TRPC1: variants seen among roughly 807,000 people sequenced by gnomAD.
TRPC1 encodes transient receptor potential cation channel subfamily C member 1.
A neutral mutation model predicts 88.2 loss-of-function variants in TRPC1; 42 were observed. The observed-to-expected ratio is 0.48, with a 90% CI of 0.37 to 0.62. The LOEUF is 0.62. Ranked by LOEUF, TRPC1 falls within the 20% of genes least tolerant of loss-of-function variation. TRPC1 has a pLI of 0.00. For synonymous variants in TRPC1, 288 were observed against 331.8 expected (o/e 0.87, Z 1.43); for missense variants, 699 against 957.3 (o/e 0.73, Z 3.56).
chr3:142,791,880 G>A (rs982120679), intron 8 of TRPC1, among the ~76,000 whole-genome samples: 1 of 151,860 alleles, frequency 6.6e-6, no homozygotes, highest in Non-Finnish European at 1.5e-5. Flanking sequence ...ACTTTCATCA[G>A]AATTTAAGCT....
chr3:142,748,363 T>C lies in TRPC1; in HGVS notation c.535T>C (p.Leu179=), dbSNP rs758000670. The C allele has an allele frequency of 3.1e-6, 5 of 1,614,150 alleles. No homozygotes were observed. The highest frequency in any genetic ancestry group is 2.2e-5 in the South Asian group (2 of 91,086). Residue 179 remains leucine (L), a synonymous_variant, in exon 4 of 13, where the codon TTA becomes CTA. Coordinates refer to ENST00000476941, the MANE Select transcript of TRPC1 (RefSeq NM_001251845.2). ...CAACTATGAAATTCTTACAATGCTC[T>C]TAAAACAGGATGTATCTCTACCCAA... ...RNNYEILTML[L]KQDVSLPKPH... is the part of the protein sequence containing the mutation.
chr3:142,753,393 G>A (rs1404272044), intron 4 of TRPC1, among the ~76,000 whole-genome samples: 2 of 152,192 alleles, frequency 1.3e-5, no homozygotes, highest in African/African-American at 4.8e-5. Context: ...ACATTTGTAC[G>A]AAATGGCAAG....
intron 2 of TRPC1, among the ~76,000 whole-genome samples, chr3:142,742,524 A>G (rs1934390747): frequency 6.6e-6 from 1 of 152,188 alleles, no homozygotes; most frequent in African/African-American, 2.4e-5. Context: ...ACATCCAGAT[A>G]AAGTGAATAT....
Position 142,724,800 on chromosome 3 carries a change from C to T in TRPC1, c.172+69C>T, listed in dbSNP as rs1049295220. On this transcript the variant is annotated intron_variant, in intron 1 of 12. Transcript: ENST00000476941. The surrounding 1 kb of genome is among the most constrained non-coding windows in gnomAD (Gnocchi z 5.6). ...AGACCTTTAGTCCTCTCCCCCGCCT[C>T]AACTTATATCGGGGCATTCCCTCTG... is the stretch of plus-strand genomic sequence containing the variant. 2.8e-6 allele frequency: 4 copies of T among 1,427,646 alleles called. No homozygotes were observed. Among genetic ancestry groups the T allele is most frequent in the Non-Finnish European group, 3.7e-6 (4 of 1,080,518 alleles). 88.4% of individuals were successfully genotyped at this position (1,427,646 alleles called of 1,614,324 possible).
At chr3:142,775,902 C>T (rs530060825) in intron 4 of TRPC1, among the ~76,000 whole-genome samples, 64 of 152,250 alleles carry the variant, frequency 4.2e-4, no homozygotes, top group African/African-American at 1.4e-3. Flanking sequence ...AGAAAATGAG[C>T]TCTCCTTGTT....
intron 10 of TRPC1, among the ~76,000 whole-genome samples, chr3:142,803,545 T>C (rs533922718): frequency 6.6e-6 from 1 of 152,198 alleles, no homozygotes; most frequent in East Asian, 1.9e-4. Flanking sequence ...CAATTAGATA[T>C]TAGCAAATCA....
intron 4 of TRPC1, among the ~76,000 whole-genome samples, chr3:142,765,945 A>G (rs1389517048): frequency 2.0e-5 from 3 of 152,170 alleles, no homozygotes; most frequent in Admixed American, 1.3e-4. Context: ...GCATATGAAA[A>G]AAAGGCTCAA....
chr3:142,803,906 T>C (rs1936696755), intron 10 of TRPC1, 71 bp from the exon 11 acceptor site: 1 of 1,425,578 alleles, frequency 7.0e-7, no homozygotes. Context: ...ATAATTTTGA[T>C]ATAAACAAAT....
Position 142,724,472 on chromosome 3 carries a change from C to T in TRPC1, c.-88C>T. On this transcript the variant is annotated 5_prime_UTR_variant, in exon 1 of 13. Transcript: ENST00000476941. The surrounding 1 kb of genome is among the most constrained non-coding windows in gnomAD (Gnocchi z 5.6). ...TGGGAACGACTCATCCTTTTTCCAGCCCTGGGGCGTGGCTGGGGTCGGGGT... is the reference window on the plus strand; with the variant it reads ...TGGGAACGACTCATCCTTTTTCCAGTCCTGGGGCGTGGCTGGGGTCGGGGT... 7.4e-7 allele frequency: 1 copy of T among 1,342,348 alleles called. No individual in the cohort carries two copies. Among genetic ancestry groups the T allele is most frequent in the South Asian group, 1.5e-5 (1 of 68,436 alleles). 83.2% of individuals were successfully genotyped at this position (1,342,348 alleles called of 1,614,324 possible).
At chr3:142,805,517 A>G (rs1032218590) in intron 12 of TRPC1, among the ~76,000 whole-genome samples, 14 of 152,212 alleles carry the variant, frequency 9.2e-5, no homozygotes, top group African/African-American at 1.2e-4. Context: ...AATTTTCACA[A>G]AACTTTTATT....
chr3:142,798,547 G>T (rs1241838780), intron 9 of TRPC1, among the ~76,000 whole-genome samples: 1 of 152,206 alleles, frequency 6.6e-6, no homozygotes, highest in Non-Finnish European at 1.5e-5. Flanking sequence ...CCTGGCAAAG[G>T]ACAAAGGGAA....
chr3:142,795,954 T>A (rs1390040648), intron 9 of TRPC1, among the ~76,000 whole-genome samples: 1 of 152,130 alleles, frequency 6.6e-6, no homozygotes, highest in Non-Finnish European at 1.5e-5. Flanking sequence ...AAAAACGACA[T>A]GAAGATAGAA....
At chr3:142,734,787 T>TTA (rs139195090) in intron 1 of TRPC1, among the ~76,000 whole-genome samples, 3 of 145,436 alleles carry the variant, frequency 2.1e-5, no homozygotes, top group Non-Finnish European at 4.6e-5. Context: ...AAAATAAAAA[T>TTA]AAAAAAAAAA....
intron 1 of TRPC1, among the ~76,000 whole-genome samples, chr3:142,727,363 A>C (rs953239): frequency 0.45 from 68,559 of 152,006 alleles, 16,274 homozygotes; most frequent in African/African-American, 0.6. Context: ...CCTAAAGCAA[A>C]AATTGTGGAG....
At chr3:142,731,426 C>T (rs1393777873) in intron 1 of TRPC1, among the ~76,000 whole-genome samples, 1 of 143,328 alleles carries the variant, frequency 7.0e-6, no homozygotes, top group South Asian at 2.2e-4. Flanking sequence ...GCTCTGTCGC[C>T]CAGGCTAGAG....
chr3:142,727,968 T>C (rs1294330333), intron 1 of TRPC1, among the ~76,000 whole-genome samples: 1 of 151,590 alleles, frequency 6.6e-6, no homozygotes, highest in Non-Finnish European at 1.5e-5. Flanking sequence ...GTGTAGTTCA[T>C]GTTAATTTTC....
intron 1 of TRPC1, among the ~76,000 whole-genome samples, chr3:142,727,696 C>G (rs1004061133): frequency 6.6e-6 from 1 of 152,092 alleles, no homozygotes; most frequent in Non-Finnish European, 1.5e-5. Flanking sequence ...AGATAAAATT[C>G]TCAGAAAGTA....
At chr3:142,777,476 A>G (rs1935817980) in intron 4 of TRPC1, among the ~76,000 whole-genome samples, 156 bp from the exon 5 acceptor site, 1 of 152,128 alleles carries the variant, frequency 6.6e-6, no homozygotes, top group Non-Finnish European at 1.5e-5. Context: ...ATTTGTTTTA[A>G]GTCTTTTTAT....
rs1445926779 is a variant in TRPC1, at chr3:142,807,500, TG to T, written c.*1267del. ...ATTCTCTTCTTAACCGAATGTCAGA[TG>T]GTCTTACGCCACAGGGTGCAGGTAA... On this transcript the variant is annotated 3_prime_UTR_variant, in exon 13 of 13. Coordinates refer to ENST00000476941, the MANE Select transcript of TRPC1 (RefSeq NM_001251845.2). 1.3e-5 allele frequency: 2 copies of T among 152,246 alleles called. No individual in the cohort carries two copies. The highest frequency in any genetic ancestry group is 4.8e-5 in the African/African-American group (2 of 41,472). 9.4% of individuals were successfully genotyped at this position (152,246 alleles called of 1,614,324 possible).
Sources: allele counts gnomAD v4.1 joint callset (sites outside exome capture counted in the v4.1 genomes callset), GRCh38; gene constraint gnomAD v4.1.1; non-coding constraint Gnocchi (gnomAD v3.1); transcripts MANE v1.5; gene names NCBI Gene and HGNC (gene_info 2026-07-23, HGNC 2026-07-21).